Variants in RPSA2 observed in about 807,000 individuals in gnomAD.
RPSA2 encodes the protein small ribosomal subunit protein uS2B.
At chr19:23,847,222 T>G in the RPSA2 span, among the ~76,000 whole-genome samples, 53 of 152,034 alleles carry the variant, frequency 3.5e-4, no homozygotes, top group Non-Finnish European at 6.6e-4. Context: ...TTTTTTTTCT[T>G]TAAGGATGTC....
At chr19:23,853,728 C>T in the RPSA2 span, among the ~76,000 whole-genome samples, 47 of 152,212 alleles carry the variant, frequency 3.1e-4, no homozygotes, top group African/African-American at 1.1e-3. Context: ...CCCCATTGTG[C>T]CAGCAAATCT....
chr19:23,853,232 A>G, the RPSA2 span, among the ~76,000 whole-genome samples: 2 of 152,276 alleles, frequency 1.3e-5, no homozygotes, highest in Non-Finnish European at 2.9e-5. Flanking sequence ...CTTTAAGATC[A>G]ATAACTATGA....
At chr19:23,788,916 C>T in the RPSA2 span, among the ~76,000 whole-genome samples, 507 of 152,100 alleles carry the variant, frequency 3.3e-3, 1 homozygote, top group African/African-American at 0.011. Context: ...GTGTGTCTCA[C>T]CTCTCAGGGT....
chr19:23,781,911 G>C, the RPSA2 span, among the ~76,000 whole-genome samples: 3 of 152,172 alleles, frequency 2.0e-5, no homozygotes, highest in South Asian at 6.2e-4. Flanking sequence ...TTGGTAATGT[G>C]ATTCTATTCT....
At chr19:23,794,029 C>T in the RPSA2 span, among the ~76,000 whole-genome samples, 1 of 152,164 alleles carries the variant, frequency 6.6e-6, no homozygotes, top group African/African-American at 2.4e-5. Context: ...GCCTTGGCCT[C>T]TCAAAGTGCT....
chr19:23,796,713 T>C, the RPSA2 span, among the ~76,000 whole-genome samples: 148,585 of 151,906 alleles, frequency 0.98, 72,760 homozygotes, highest in Middle Eastern at 1. Context: ...TTCATTTTTT[T>C]TAGATTTTCT....
the RPSA2 span, among the ~76,000 whole-genome samples, chr19:23,816,644 T>C: frequency 6.6e-6 from 1 of 152,220 alleles, no homozygotes; most frequent in Admixed American, 6.5e-5. Context: ...TGTCTATTCA[T>C]GTGTTTTCAT....
chr19:23,815,474 CTCTG>C, the RPSA2 span, among the ~76,000 whole-genome samples: 4 of 152,150 alleles, frequency 2.6e-5, no homozygotes, highest in Admixed American at 2.0e-4. Flanking sequence ...CTCATACTTG[CTCTG>C]TCTGTTATTA....
At chr19:23,784,390 A>T in the RPSA2 span, among the ~76,000 whole-genome samples, 4 of 152,216 alleles carry the variant, frequency 2.6e-5, no homozygotes, top group African/African-American at 4.8e-5. Flanking sequence ...AATGCACTCC[A>T]CAGTTGGAAC....
At chr19:23,783,902 T>A in the RPSA2 span, among the ~76,000 whole-genome samples, 1 of 152,300 alleles carries the variant, frequency 6.6e-6, no homozygotes, top group African/African-American at 2.4e-5. Flanking sequence ...CTCTTTTTCC[T>A]GTGTCCTGCT....
At chr19:23,769,042 G>C in the RPSA2 span, among the ~76,000 whole-genome samples, 1 of 152,142 alleles carries the variant, frequency 6.6e-6, no homozygotes, top group Admixed American at 6.5e-5. Context: ...CCTGAGTTTA[G>C]CATACAGGTG....
chr19:23,823,316 C>G, the RPSA2 span, among the ~76,000 whole-genome samples: 1 of 152,142 alleles, frequency 6.6e-6, no homozygotes, highest in African/African-American at 2.4e-5. Flanking sequence ...TAAACCATCC[C>G]CCTTGCAGGA....
At chr19:23,790,826 G>A in the RPSA2 span, 1 of 537,700 alleles carries the variant, frequency 1.9e-6, no homozygotes, top group Non-Finnish European at 3.4e-6. Flanking sequence ...GGTTGGAACT[G>A]GTGGGAAGCA....
chr19:23,830,775 T>A, the RPSA2 span, among the ~76,000 whole-genome samples: 3 of 152,178 alleles, frequency 2.0e-5, no homozygotes, highest in African/African-American at 7.2e-5. Flanking sequence ...TGATTTTTTT[T>A]ATGCTTTCTT....
At chr19:23,869,084 G>T in the RPSA2 span, among the ~76,000 whole-genome samples, 1 of 152,230 alleles carries the variant, frequency 6.6e-6, no homozygotes, top group East Asian at 1.9e-4. Context: ...AAAACATATT[G>T]GGCATAGGTT....
At chr19:23,818,832 T>C in the RPSA2 span, 4 of 152,890 alleles carry the variant, frequency 2.6e-5, no homozygotes, top group Admixed American at 2.6e-4. Context: ...ATAACATATA[T>C]AAGGCTGGCC....
At chr19:23,846,590 A>T in the RPSA2 span, among the ~76,000 whole-genome samples, 5 of 152,212 alleles carry the variant, frequency 3.3e-5, no homozygotes, top group Admixed American at 2.0e-4. Context: ...ATTTGTCAGG[A>T]TAAGACTTTA....
At chr19:23,856,918 A>G in the RPSA2 span, among the ~76,000 whole-genome samples, 1 of 152,262 alleles carries the variant, frequency 6.6e-6, no homozygotes, top group African/African-American at 2.4e-5. Context: ...CGGTGCACGT[A>G]TTGTCTTGTT....
At chr19:23,826,892 T>G in the RPSA2 span, among the ~76,000 whole-genome samples, 6 of 266 alleles carry the variant, frequency 0.023, no homozygotes, top group Non-Finnish European at 0.5. Flanking sequence ...GGGTTCACCA[T>G]TGTTGGTCTG....
Sources: allele counts gnomAD v4.1 joint callset (sites outside exome capture counted in the v4.1 genomes callset), GRCh38; gene constraint gnomAD v4.1.1; transcripts MANE v1.5; gene names NCBI Gene and HGNC (gene_info 2026-07-23, HGNC 2026-07-21).